Variants in ALK observed in about 807,000 individuals in gnomAD.
The protein encoded by ALK is ALK receptor tyrosine kinase, also known as ALK tyrosine kinase receptor.
ALK carries 74 observed loss-of-function variants against 163.1 expected under a neutral mutation model. The observed-to-expected ratio is 0.45, with a 90% CI of 0.38 to 0.55. The LOEUF is 0.55. Among genes scored for constraint, ALK ranks in the 20% least tolerant of loss-of-function variants. The pLI is 0.00. For missense variants in ALK, 2,063 were observed against 2,105.3 expected, an observed-to-expected ratio of 0.98 and a Z score of 0.39; for synonymous variants, 960 against 843.2, an observed-to-expected ratio of 1.14 and a Z score of -2.40.
intron 1 of ALK, among the ~76,000 whole-genome samples, chr2:29,762,207 T>C (rs1242181451): frequency 6.6e-6 from 1 of 152,240 alleles, no homozygotes; most frequent in Non-Finnish European, 1.5e-5. Flanking sequence ...GAACATCTAA[T>C]AGTTCATTCT....
rs377129811 is a variant in ALK, at chr2:29,193,876, A to G, written c.4211T>C (p.Leu1404Pro). 72 of 1,613,964 alleles carry G rather than the reference A, an allele frequency of 4.5e-5. No homozygotes were observed. The Middle Eastern group carries it at 4.9e-4, about 11-fold the overall frequency. ...AGGCACTTTCTCTTCCTCTTCCACA[A>G]GTGGACCATATTCTATCGGCAAAGC... ...NTALPIEYGP[L>P]VEEEEKVPVR... is the part of the protein sequence containing the mutation. Residue 1404 changes from leucine (L) to proline (P), a missense_variant, in exon 29 of 29, where the codon CTT (leucine) becomes CCT (proline). By Grantham distance (98) the Leu-to-Pro change is moderately conservative. Around this residue, in one of 5 missense-constraint regions of ALK, gnomAD observed 403 missense variants for 366.2 expected, o/e 1.10. Coordinates refer to ENST00000389048, the MANE Select transcript of ALK (RefSeq NM_004304.5).
chr2:29,872,522 T>C (rs1666604516), intron 1 of ALK, among the ~76,000 whole-genome samples: 1 of 152,174 alleles, frequency 6.6e-6, no homozygotes, highest in Non-Finnish European at 1.5e-5. Flanking sequence ...TTGGGGAAAA[T>C]CACCTGGCAG....
At chr2:29,207,343 T>C (rs2148152464) in intron 25 of ALK, 71 bp from the exon 26 acceptor site, 3 of 1,229,210 alleles carry the variant, frequency 2.4e-6, no homozygotes, top group Middle Eastern at 1.9e-4. Flanking sequence ...GCTGGGAAAG[T>C]TGAGAAAGTG....
chr2:29,909,470 GAC>G lies in ALK; in HGVS notation c.667+10521_667+10522del, dbSNP rs1558544199. ...AGACACACATACACACACAGAGAGAGACAGACAGACAGAGAGAGAGAGAGAGA... is the reference window on the plus strand; with the variant it reads ...AGACACACATACACACACAGAGAGAGAGACAGACAGAGAGAGAGAGAGAGA... On this transcript the variant is annotated intron_variant, in intron 1 of 28. Coordinates refer to ENST00000389048, the MANE Select transcript of ALK (RefSeq NM_004304.5). Among the ~76,000 whole-genome samples the G allele has an allele frequency of 3.6e-3, 478 of 131,806 alleles. 3 individuals are homozygous for G. Among genetic ancestry groups the G allele is most frequent in the Non-Finnish European group, 4.0e-3 (256 of 63,544 alleles). 86.5% of individuals were successfully genotyped at this position (131,806 alleles called of 152,430 possible). A position where few individuals can be genotyped will look rare whatever the true frequency, so the allele number is the denominator to read the frequency against.
At chr2:29,573,649 G>GCAGAGTTTAACAGTACTCTGCAA (rs1674441913) in intron 3 of ALK, among the ~76,000 whole-genome samples, 1 of 152,088 alleles carries the variant, frequency 6.6e-6, no homozygotes, top group African/African-American at 2.4e-5. Flanking sequence ...TACTACTATG[G>GCAGAGTTTAACAGTACTCTGCAA]CAGAGTTTAA....
intron 4 of ALK, among the ~76,000 whole-genome samples, chr2:29,439,669 G>A (rs1670486922): frequency 7.6e-6 from 1 of 131,022 alleles, no homozygotes; most frequent in Non-Finnish European, 1.7e-5. Flanking sequence ...GATCCAACGG[G>A]ACTGGTGTTC....
At chr2:29,652,156 C>G (rs13385172) in intron 3 of ALK, among the ~76,000 whole-genome samples, 1 of 152,114 alleles carries the variant, frequency 6.6e-6, no homozygotes, top group Non-Finnish European at 1.5e-5. Flanking sequence ...ACTATTTCAT[C>G]TATATTTTTT....
intron 12 of ALK, among the ~76,000 whole-genome samples, chr2:29,250,488 G>T (rs1351993224): frequency 6.6e-6 from 1 of 152,146 alleles, no homozygotes; most frequent in East Asian, 1.9e-4. Flanking sequence ...ACCAGATGCT[G>T]CAGGAGGGGG....
rs1015784916 is a variant in ALK at position 29,577,285 on chromosome 2, A to G, written c.953-45169T>C. On this transcript the variant is annotated intron_variant, in intron 3 of 28. Coordinates refer to ENST00000389048, the MANE Select transcript of ALK (RefSeq NM_004304.5). ...GAGTCATTTTACCCTTCTGAGCCTC[A>G]GTTTCTTCATATGGAAGTAAATAAA... Among the ~76,000 whole-genome samples, 12 of 152,162 alleles carry G rather than the reference A, an allele frequency of 7.9e-5. 1 individual carries two copies. The highest frequency in any genetic ancestry group is 2.9e-4 in the African/African-American group (12 of 41,436).
chr2:29,699,997 C>T (rs1338217281), intron 2 of ALK, among the ~76,000 whole-genome samples: 4 of 152,190 alleles, frequency 2.6e-5, no homozygotes, highest in Admixed American at 2.6e-4. Flanking sequence ...AGGCCTGTTT[C>T]TTTGCATTTG....
chr2:29,216,944 T>G (rs757744780), intron 23 of ALK, among the ~76,000 whole-genome samples: 111 of 80,886 alleles, frequency 1.4e-3, no homozygotes, highest in South Asian at 5.2e-3. Context: ...GGTGTGTGTG[T>G]GGCATGTGAT....
chr2:29,736,004 C>T lies in ALK; in HGVS notation c.668-18307G>A, dbSNP rs139123682. Among the ~76,000 whole-genome samples the T allele has an allele frequency of 2.6e-5, 4 of 152,086 alleles. No individual in the cohort carries two copies. The East Asian group carries it at 7.7e-4, about 29-fold the overall frequency. ...TATTTTGCGTATAAGAAAACTGAGC[C>T]ATCGAAAAGTAACTTGCTCAAGACC... On this transcript the variant is annotated intron_variant, in intron 1 of 28. Transcript: ENST00000389048.
intron 3 of ALK, among the ~76,000 whole-genome samples, chr2:29,642,178 C>T (rs949814125): frequency 4.6e-5 from 7 of 152,172 alleles, no homozygotes; most frequent in African/African-American, 1.7e-4. Context: ...ACTCTTTCAA[C>T]AAGAGTCCTG....
intron 1 of ALK, among the ~76,000 whole-genome samples, chr2:29,914,979 G>A (rs1667793292): frequency 6.6e-6 from 1 of 152,194 alleles, no homozygotes; most frequent in Non-Finnish European, 1.5e-5. Flanking sequence ...CATTTGTCCT[G>A]CCTACCATAG....
chr2:29,573,591 G>A (rs1674440133), intron 3 of ALK, among the ~76,000 whole-genome samples: 1 of 152,138 alleles, frequency 6.6e-6, no homozygotes, highest in African/African-American at 2.4e-5. Context: ...AAATTTCACT[G>A]GAACACCGTC....
chr2:29,227,773 G>T lies in ALK; in HGVS notation c.2816-101C>A. ...GCATGCAGCTCTGGCCAAAGTTAGGGGGTCACTGGGGACCTCAGGGGCAGG... is the reference window on the plus strand; with the variant it reads ...GCATGCAGCTCTGGCCAAAGTTAGGTGGTCACTGGGGACCTCAGGGGCAGG... On this transcript the variant is annotated intron_variant, in intron 16 of 28. Transcript: ENST00000389048. The surrounding 1 kb of genome is among the most constrained non-coding windows in gnomAD (Gnocchi z 4.4). The T allele has an allele frequency of 1.1e-6, 1 of 881,756 alleles. No homozygotes were observed. Among genetic ancestry groups the T allele is most frequent in the Non-Finnish European group, 1.9e-6 (1 of 527,636 alleles). The allele number at this position is 881,756 out of a possible 1,614,324, so 54.6% of individuals were successfully genotyped here.
Position 29,493,256 on chromosome 2 carries a change from G to T in ALK, c.1154+38659C>A, listed in dbSNP as rs572328610. 2.0e-5 allele frequency among the ~76,000 whole-genome samples: 3 copies of T among 152,278 alleles called. No homozygotes were observed. In the South Asian group the frequency reaches 6.2e-4, roughly 32 times the overall value. On this transcript the variant is annotated intron_variant, in intron 4 of 28. Transcript: ENST00000389048. Reference sequence around the variant, plus strand: ...CTATAGCCCATTGGATTTTCAAATGGCTCCACCTGGGTAACTCATTCCTGT... The same window carrying T: ...CTATAGCCCATTGGATTTTCAAATGTCTCCACCTGGGTAACTCATTCCTGT...
At chr2:29,762,392 T>A (rs1367488499) in intron 1 of ALK, among the ~76,000 whole-genome samples, 2 of 152,240 alleles carry the variant, frequency 1.3e-5, no homozygotes, top group African/African-American at 4.8e-5. Flanking sequence ...ATGGGTCTCG[T>A]TGCTGAAATA....
intron 4 of ALK, among the ~76,000 whole-genome samples, chr2:29,469,000 A>C (rs1035935650): frequency 1.3e-5 from 2 of 152,134 alleles, no homozygotes; most frequent in African/African-American, 4.8e-5. Context: ...AGTAGGATAT[A>C]AATAACACTC....
Sources: gnomAD v4.1 joint callset for allele counts (sites outside exome capture counted in the v4.1 genomes callset) on GRCh38, gnomAD v4.1.1 for gene constraint, gnomAD v4.1.1 regional missense constraint, Gnocchi (gnomAD v3.1) non-coding constraint, MANE v1.5 for transcripts, NCBI Gene and HGNC (gene_info 2026-07-23, HGNC 2026-07-21) for gene names.